The following PDE1C variants were observed in gnomAD, a reference collection of about 807,000 sequenced individuals.
PDE1C encodes the protein dual specificity calcium/calmodulin-dependent 3',5'-cyclic nucleotide phosphodiesterase 1C.
PDE1C carries 62 observed loss-of-function variants against 93.1 expected under a neutral mutation model. The ratio of observed to expected loss-of-function variants is 0.67; its 90% CI spans 0.54 to 0.82. The LOEUF is 0.82. Among genes scored for constraint, PDE1C ranks in the 40% least tolerant of loss-of-function variants. The pLI is 0.00. For missense variants in PDE1C, 742 were observed against 884.6 expected, an observed-to-expected ratio of 0.84 and a Z score of 2.04; for synonymous variants, 325 against 310.1, an observed-to-expected ratio of 1.05 and a Z score of -0.50.
At chr7:31,792,913 A>G (rs1391100428) in intron 16 of PDE1C, among the ~76,000 whole-genome samples, 1 of 152,088 alleles carries the variant, frequency 6.6e-6, no homozygotes, top group African/African-American at 2.4e-5. Context: ...TTCTTGCCAC[A>G]TCTTGGAATA....
In PDE1C at chr7:32,249,243, A is replaced by G. The variant is rs570039515; in HGVS notation, c.86-39704T>C. ...AAGGTTCTGCAATCAATTCTTAGCC[A>G]AACAACCTAGATCATGTCACTGCAG... On this transcript the variant is annotated intron_variant, in intron 1 of 18. Coordinates refer to the PDE1C transcript ENST00000396193. 2.0e-5 allele frequency among the ~76,000 whole-genome samples: 3 copies of G among 152,116 alleles called. No individual in the cohort carries two copies. The East Asian group carries it at 5.8e-4, about 29-fold the overall frequency.
At chr7:31,843,641 T>C (rs1251368914) in intron 9 of PDE1C, among the ~76,000 whole-genome samples, 1 of 151,890 alleles carries the variant, frequency 6.6e-6, no homozygotes, top group Non-Finnish European at 1.5e-5. Flanking sequence ...CTAATAACCT[T>C]TTCCTTTTAA....
the PDE1C span, among the ~76,000 whole-genome samples, chr7:31,737,765 C>T: frequency 6.2e-5 from 9 of 144,964 alleles, no homozygotes; most frequent in Admixed American, 4.2e-4. Context: ...CGCACCATTG[C>T]ACTCCAGCCT....
intron 1 of PDE1C, among the ~76,000 whole-genome samples, chr7:32,409,003 T>G (rs1320743638): frequency 6.6e-6 from 1 of 152,168 alleles, no homozygotes; most frequent in Non-Finnish European, 1.5e-5. Flanking sequence ...CCAGGGGTTT[T>G]CTGGCAGAAT....
chr7:32,356,294 C>T lies in PDE1C; in HGVS notation c.310+71528G>A, dbSNP rs575986981. 8.5e-5 allele frequency among the ~76,000 whole-genome samples: 13 copies of T among 152,276 alleles called. No individual in the cohort carries two copies. The South Asian group carries it at 2.5e-3, about 29-fold the overall frequency. On this transcript the variant is annotated intron_variant, in intron 1 of 1. Transcript: ENST00000672256. ...AAAGACCCCACAATGTCTTTTTCAG[C>T]AACATAGTGTTTCTCATGCACTCAG...
intron 2 of PDE1C, among the ~76,000 whole-genome samples, chr7:32,039,787 G>A (rs1376550673): frequency 1.3e-5 from 2 of 152,172 alleles, no homozygotes; most frequent in Non-Finnish European, 2.9e-5. Flanking sequence ...ACAAGTAAGG[G>A]ATGGAACTTC....
chr7:31,694,926 C>G, the PDE1C span, among the ~76,000 whole-genome samples: 96 of 152,220 alleles, frequency 6.3e-4, no homozygotes, highest in Non-Finnish European at 1.6e-4. Flanking sequence ...AGGAGGGTTA[C>G]AAAGCCAGGA....
chr7:32,132,235 A>T (rs1355812380), intron 3 of PDE1C, among the ~76,000 whole-genome samples: 1 of 152,178 alleles, frequency 6.6e-6, no homozygotes, highest in African/African-American at 2.4e-5. Flanking sequence ...CAAGCAGCAA[A>T]CGGGATCCAG....
At chr7:32,315,148 T>A (rs911846435) in intron 1 of PDE1C, among the ~76,000 whole-genome samples, 3 of 150,734 alleles carry the variant, frequency 2.0e-5, no homozygotes, top group African/African-American at 7.4e-5. Flanking sequence ...GTCTCAACTA[T>A]GTCAAAAAGA....
chr7:32,315,771 G>A (rs1783156703), intron 1 of PDE1C, among the ~76,000 whole-genome samples: 1 of 152,208 alleles, frequency 6.6e-6, no homozygotes, highest in Admixed American at 6.5e-5. Context: ...CGAGGTGGGT[G>A]GATCACCTGA....
chr7:31,982,048 T>C (rs1369551463), intron 2 of PDE1C, among the ~76,000 whole-genome samples: 4 of 152,226 alleles, frequency 2.6e-5, no homozygotes, highest in African/African-American at 4.8e-5. Context: ...TGCAATTCAC[T>C]GCTATCTGCA....
intron 1 of PDE1C, among the ~76,000 whole-genome samples, chr7:32,261,138 T>A (rs1810166692): frequency 6.6e-6 from 1 of 151,934 alleles, no homozygotes; most frequent in African/African-American, 2.4e-5. Flanking sequence ...AAACTACAGT[T>A]GAGGGGTCAT....
At chr7:32,336,994 C>T (rs147645513) in intron 1 of PDE1C, among the ~76,000 whole-genome samples, 1,543 of 152,238 alleles carry the variant, frequency 0.01, 14 homozygotes, top group Non-Finnish European at 0.015. Context: ...CCCCGCCCTC[C>T]CTCATCCCCA....
intron 1 of PDE1C, among the ~76,000 whole-genome samples, chr7:32,053,445 T>C (rs903674638): frequency 2.6e-5 from 4 of 152,176 alleles, no homozygotes; most frequent in Admixed American, 2.0e-4. Flanking sequence ...GAGCTGTGGG[T>C]GTGACCTGTG....
intron 3 of PDE1C, among the ~76,000 whole-genome samples, chr7:32,089,731 G>A (rs1797357547): frequency 1.3e-5 from 2 of 152,144 alleles, no homozygotes; most frequent in Admixed American, 6.6e-5. Context: ...ATTCACAAGA[G>A]TTTCCACTGA....
intron 2 of PDE1C, among the ~76,000 whole-genome samples, chr7:32,208,688 C>A (rs1312661182): frequency 6.6e-6 from 1 of 152,090 alleles, no homozygotes; most frequent in African/African-American, 2.4e-5. Flanking sequence ...GTCTCCACTC[C>A]ACCCTCATCC....
chr7:32,139,496 A>G (rs572547118), intron 3 of PDE1C, among the ~76,000 whole-genome samples: 1 of 152,002 alleles, frequency 6.6e-6, no homozygotes, highest in Non-Finnish European at 1.5e-5. Flanking sequence ...CAGCCTCATG[A>G]GTTATCTCAG....
intron 12 of PDE1C, among the ~76,000 whole-genome samples, chr7:31,827,946 T>TTACA: frequency 6.6e-6 from 1 of 152,074 alleles, no homozygotes; most frequent in East Asian, 1.9e-4. Context: ...TGAGTAGAAA[T>TTACA]GCCTTGTTAG....
intron 9 of PDE1C, among the ~76,000 whole-genome samples, chr7:31,842,755 T>C (rs2191875): frequency 0.5 from 76,161 of 151,536 alleles, 21,546 homozygotes; most frequent in Non-Finnish European, 0.62. Flanking sequence ...TTATTGATTT[T>C]TCCTCTTATC....
Sources: gnomAD v4.1 joint callset for allele counts (sites outside exome capture counted in the v4.1 genomes callset) on GRCh38, gnomAD v4.1.1 for gene constraint, MANE v1.5 for transcripts, NCBI Gene and HGNC (gene_info 2026-07-23, HGNC 2026-07-21) for gene names.